Variants in ERBB4 observed in about 807,000 individuals in gnomAD.
ERBB4 encodes receptor tyrosine-protein kinase erbB-4.
A neutral mutation model predicts 158.0 loss-of-function variants in ERBB4; 42 were observed. That is an observed-to-expected ratio of 0.27 (90% CI 0.21 to 0.34). The LOEUF is 0.34. Ranked by LOEUF, ERBB4 falls within the 10% of genes least tolerant of loss-of-function variation. The pLI is 1.00. For missense variants in ERBB4, 1,333 were observed against 1,624.1 expected (o/e 0.82, Z 3.08); for synonymous variants, 583 against 558.7 (o/e 1.04, Z -0.61).
intron 19 of ERBB4, among the ~76,000 whole-genome samples, chr2:211,577,628 T>A (rs2067930703): frequency 6.6e-6 from 1 of 152,150 alleles, no homozygotes; most frequent in African/African-American, 2.4e-5. Flanking sequence ...CAAACTGACT[T>A]CATCCTTGGG....
chr2:212,273,913 G>T (rs79258069), intron 1 of ERBB4, among the ~76,000 whole-genome samples: 6,493 of 151,742 alleles, frequency 0.043, 206 homozygotes, highest in South Asian at 0.15. Context: ...AGGAGTTAGG[G>T]GTGCTGACCC....
chr2:212,167,643 A>G (rs2081387783), intron 1 of ERBB4, among the ~76,000 whole-genome samples: 1 of 152,186 alleles, frequency 6.6e-6, no homozygotes, highest in South Asian at 2.1e-4. Flanking sequence ...ATGCATGCGT[A>G]TGTTTACTGC....
intron 1 of ERBB4, among the ~76,000 whole-genome samples, chr2:212,303,345 G>A (rs2086689919): frequency 1.3e-5 from 2 of 151,250 alleles, no homozygotes; most frequent in African/African-American, 4.8e-5. Context: ...TATACCCTCT[G>A]CTAGATCATG....
chr2:212,060,828 G>A (rs1177303678), intron 2 of ERBB4, among the ~76,000 whole-genome samples: 1 of 150,370 alleles, frequency 6.7e-6, no homozygotes, highest in African/African-American at 2.4e-5. Context: ...GGAGATGGGG[G>A]AGGGATACCA....
chr2:212,041,306 G>T (rs368235223), intron 2 of ERBB4, among the ~76,000 whole-genome samples: 1 of 151,842 alleles, frequency 6.6e-6, no homozygotes, highest in Non-Finnish European at 1.5e-5. Context: ...CTATCCAGAG[G>T]TCTTTACTGT....
At chr2:212,396,438 C>A (rs915330276) in intron 1 of ERBB4, among the ~76,000 whole-genome samples, 1 of 152,036 alleles carries the variant, frequency 6.6e-6, no homozygotes, top group Non-Finnish European at 1.5e-5. Flanking sequence ...AGCAAGATAC[C>A]AACATTCTCT....
At chr2:211,847,886 G>C (rs10932410) in intron 3 of ERBB4, among the ~76,000 whole-genome samples, 33,014 of 151,940 alleles carry the variant, frequency 0.22, 3,717 homozygotes, top group South Asian at 0.33. Context: ...CATCTAGGCC[G>C]TTTTTGTCTA....
intron 4 of ERBB4, among the ~76,000 whole-genome samples, chr2:211,771,580 C>G (rs2075693087): frequency 6.6e-6 from 1 of 152,136 alleles, no homozygotes; most frequent in Non-Finnish European, 1.5e-5. Flanking sequence ...GGTAAGTATA[C>G]AGTTTAATAA....
intron 2 of ERBB4, among the ~76,000 whole-genome samples, chr2:212,020,437 A>C (rs2076623967): frequency 1.3e-5 from 2 of 152,110 alleles, no homozygotes; most frequent in Admixed American, 6.6e-5. Context: ...TACAATGAGA[A>C]TATATCTCTG....
chr2:212,025,498 T>C (rs1262637136), intron 2 of ERBB4, among the ~76,000 whole-genome samples: 1 of 151,838 alleles, frequency 6.6e-6, no homozygotes, highest in Non-Finnish European at 1.5e-5. Flanking sequence ...ACACTTGTGA[T>C]AAAGGCAGAT....
intron 20 of ERBB4, among the ~76,000 whole-genome samples, chr2:211,462,661 T>TA (rs1442306667): frequency 6.6e-6 from 1 of 152,202 alleles, no homozygotes; most frequent in Non-Finnish European, 1.5e-5. Context: ...AATGGGCTGT[T>TA]ACACTTCTTA....
intron 2 of ERBB4, among the ~76,000 whole-genome samples, chr2:212,001,922 T>TATTAATAGCTTCAA (rs1426458360): frequency 6.6e-6 from 1 of 152,220 alleles, no homozygotes; most frequent in Non-Finnish European, 1.5e-5. Context: ...TTTAGCTTCA[T>TATTAATAGCTTCAA]ATTAATAGCG....
chr2:212,142,074 T>G (rs1244856250), intron 1 of ERBB4, among the ~76,000 whole-genome samples: 3 of 152,160 alleles, frequency 2.0e-5, no homozygotes, highest in Non-Finnish European at 4.4e-5. Flanking sequence ...CTTACTTGTC[T>G]TTGAACACTG....
chr2:211,906,242 A>C (rs934124753), intron 3 of ERBB4, among the ~76,000 whole-genome samples: 6 of 152,156 alleles, frequency 3.9e-5, no homozygotes, highest in Admixed American at 3.9e-4. Flanking sequence ...AGAGACATGT[A>C]GGATTCTGCA....
At chr2:211,384,672 G>A (rs2062647160) in intron 27 of ERBB4, among the ~76,000 whole-genome samples, 1 of 152,146 alleles carries the variant, frequency 6.6e-6, no homozygotes, top group African/African-American at 2.4e-5. Context: ...CTAACAGATA[G>A]CTAACATGCC....
At chr2:211,872,239 C>T (rs1279178282) in intron 3 of ERBB4, among the ~76,000 whole-genome samples, 1 of 152,130 alleles carries the variant, frequency 6.6e-6, no homozygotes, top group Non-Finnish European at 1.5e-5. Context: ...AATTCATGCT[C>T]AGTTTGTTAG....
At chr2:211,603,399 G>T (rs1028093050) in intron 19 of ERBB4, among the ~76,000 whole-genome samples, 2 of 151,884 alleles carry the variant, frequency 1.3e-5, no homozygotes, top group Non-Finnish European at 2.9e-5. Context: ...AAAGGAAAAA[G>T]GTCTTAATTA....
At chr2:212,103,064 A>G (rs2079128817) in intron 2 of ERBB4, among the ~76,000 whole-genome samples, 1 of 151,976 alleles carries the variant, frequency 6.6e-6, no homozygotes, top group African/African-American at 2.4e-5. Flanking sequence ...CTCTCCATCT[A>G]TTTATTTCAA....
chr2:212,256,666 C>T (rs941907706), intron 1 of ERBB4, among the ~76,000 whole-genome samples: 17 of 152,076 alleles, frequency 1.1e-4, no homozygotes, highest in Non-Finnish European at 4.4e-5. Flanking sequence ...ATAGGTAAAA[C>T]AAACACAGAG....
Sources: gnomAD v4.1 joint callset for allele counts (sites outside exome capture counted in the v4.1 genomes callset) on GRCh38, gnomAD v4.1.1 for gene constraint, MANE v1.5 for transcripts, NCBI Gene and HGNC (gene_info 2026-07-23, HGNC 2026-07-21) for gene names.